Variants in KIF13B observed in about 807,000 individuals in gnomAD.
KIF13B encodes the protein kinesin-like protein KIF13B.
A neutral mutation model predicts 222.0 loss-of-function variants in KIF13B; 127 were observed. The ratio of observed to expected loss-of-function variants is 0.57; its 90% CI spans 0.50 to 0.66. The LOEUF is 0.66. Among genes scored for constraint, KIF13B ranks in the 30% least tolerant of loss-of-function variants. The probability of loss-of-function intolerance (pLI) is 0.00; values close to 1 mark genes in which losing one functional copy is unlikely to be tolerated. For synonymous variants in KIF13B, 976 were observed against 919.0 expected (o/e 1.06, Z -1.12); for missense variants, 2,173 against 2,379.0 (o/e 0.91, Z 1.80).
At chr8:29,231,021 C>T (rs944283532) in intron 2 of KIF13B, among the ~76,000 whole-genome samples, 7 of 152,142 alleles carry the variant, frequency 4.6e-5, no homozygotes, top group African/African-American at 1.7e-4. Flanking sequence ...GCTGGGACTA[C>T]AGGCATGCAC....
Position 29,167,600 on chromosome 8 carries a change from A to G in KIF13B, c.946-15T>C, listed in dbSNP as rs1445759443. 5.0e-6 allele frequency: 8 copies of G among 1,603,712 alleles called. No homozygotes were observed. Among genetic ancestry groups the G allele is most frequent in the Non-Finnish European group, 6.8e-6 (8 of 1,170,528 alleles). On this transcript the variant is annotated splice_polypyrimidine_tract_variant and intron_variant, in intron 10 of 39. Coordinates refer to ENST00000524189, the MANE Select transcript of KIF13B (RefSeq NM_015254.4). ...CCGAGGCTGTCCTACAGGAGAAAAC[A>G]GAAAGTTGAGTAGCATATTAAAGTT...
intron 18 of KIF13B, among the ~76,000 whole-genome samples, chr8:29,143,173 G>A (rs1413997656): frequency 6.6e-6 from 1 of 152,146 alleles, no homozygotes. Flanking sequence ...AGTTGGAAAT[G>A]ATTTTAAGTT....
intron 1 of KIF13B, among the ~76,000 whole-genome samples, chr8:29,250,349 C>A (rs1816229387): frequency 6.6e-6 from 1 of 152,172 alleles, no homozygotes; most frequent in African/African-American, 2.4e-5. Flanking sequence ...TCAGTATTCA[C>A]GTTTCTCTCA....
chr8:29,171,774 T>G (rs1441983494), intron 10 of KIF13B, among the ~76,000 whole-genome samples: 4 of 149,848 alleles, frequency 2.7e-5, no homozygotes, highest in Non-Finnish European at 5.9e-5. Flanking sequence ...TTTTTTTTTT[T>G]TGAGATGGAG....
chr8:29,116,747 A>G, intron 31 of KIF13B, 84 bp downstream of exon 31: 1 of 1,310,386 alleles, frequency 7.6e-7, no homozygotes, highest in Non-Finnish European at 1.1e-6. Context: ...GCCTGTTTGG[A>G]CAGAAGGTTA....
chr8:29,242,312 G>A (rs1815819255), intron 2 of KIF13B, among the ~76,000 whole-genome samples: 1 of 152,098 alleles, frequency 6.6e-6, no homozygotes, highest in South Asian at 2.1e-4. Context: ...TGCCTACCAT[G>A]GTGACAGGCA....
At chr8:29,204,637 A>T (rs1813848660) in intron 2 of KIF13B, among the ~76,000 whole-genome samples, 1 of 152,270 alleles carries the variant, frequency 6.6e-6, no homozygotes, top group Admixed American at 6.5e-5. Context: ...TTCATATCCC[A>T]CATTCACAGG....
At chr8:29,183,890 C>T (rs1450856722) in intron 6 of KIF13B, among the ~76,000 whole-genome samples, 1 of 152,074 alleles carries the variant, frequency 6.6e-6, no homozygotes, top group Non-Finnish European at 1.5e-5. Flanking sequence ...GAAGCTGAAC[C>T]ACATTCAATC....
chr8:29,193,147 G>A (rs769698535), intron 3 of KIF13B, among the ~76,000 whole-genome samples: 15 of 152,186 alleles, frequency 9.9e-5, no homozygotes, highest in East Asian at 3.8e-4. Context: ...AGAAGGAAGC[G>A]AGGCCAGGAA....
chr8:29,215,050 CT>C (rs1321718819), intron 2 of KIF13B, among the ~76,000 whole-genome samples: 2 of 152,182 alleles, frequency 1.3e-5, no homozygotes, highest in Non-Finnish European at 2.9e-5. Context: ...ACTGCATTTT[CT>C]CTCCAGGACC....
intron 10 of KIF13B, among the ~76,000 whole-genome samples, chr8:29,170,815 C>T (rs901702424): frequency 3.3e-5 from 5 of 152,200 alleles, no homozygotes; most frequent in Non-Finnish European, 7.3e-5. Context: ...CAGCGGCTCA[C>T]GCCTGTAATC....
chr8:29,182,109 C>T, intron 6 of KIF13B, 103 bp from the exon 7 acceptor site: 2 of 797,804 alleles, frequency 2.5e-6, no homozygotes, highest in South Asian at 3.9e-5. Context: ...AGAAAGACCC[C>T]AAATAAGTAA....
In KIF13B at chr8:29,071,784, T is replaced by G; in HGVS notation, c.5054A>C (p.Gln1685Pro). The change falls in exon 39 of 40, where the codon CAG (glutamine) becomes CCG (proline). Residue 1685 changes from glutamine (Q) to proline (P), a missense_variant. This residue lies in a region of KIF13B where 693 missense variants were observed against 656.2 expected (regional missense o/e 1.06). Transcript: ENST00000524189. This position sits in a 1 kb window ranked among gnomAD's most constrained non-coding sequence, Gnocchi z 4.9. ...GNAPAPGAGGQALASDSEEAD... is the reference protein window; with the variant it reads ...GNAPAPGAGGPALASDSEEAD... ...TTCCTCGGAATCAGAGGCCAGGGCCTGTCCCCCGGCGCCCGGGGCCGGCGC... is the reference window on the plus strand; with the variant it reads ...TTCCTCGGAATCAGAGGCCAGGGCCGGTCCCCCGGCGCCCGGGGCCGGCGC... 6.5e-7 allele frequency: 1 copy of G among 1,548,040 alleles called. No homozygotes were observed. The highest frequency in any genetic ancestry group is 8.7e-7 in the Non-Finnish European group (1 of 1,146,432).
intron 10 of KIF13B, among the ~76,000 whole-genome samples, chr8:29,175,090 A>T (rs796408385): frequency 2.2e-4 from 33 of 152,318 alleles, no homozygotes; most frequent in African/African-American, 7.7e-4. Context: ...TCACAAAATT[A>T]AACAGGGCAC....
chr8:29,179,452 C>T (rs531038519), intron 8 of KIF13B, among the ~76,000 whole-genome samples: 6 of 152,330 alleles, frequency 3.9e-5, no homozygotes, highest in African/African-American at 9.6e-5. Flanking sequence ...CGCAGTTAGC[C>T]GTCACAGTTT....
chr8:29,224,061 C>T (rs1814896999), intron 2 of KIF13B, among the ~76,000 whole-genome samples: 1 of 146,564 alleles, frequency 6.8e-6, no homozygotes, highest in African/African-American at 2.5e-5. Flanking sequence ...TGCAGTGGTG[C>T]CATCTTGGCT....
Position 29,072,208 on chromosome 8 carries a change from C to T in KIF13B, c.4630G>A (p.Val1544Ile). The part of the protein sequence containing the change: ...KVPSPPPVIA[V>I]TAVTPAPEAQ... Reference sequence around the variant, plus strand: ...TCCGGAGCCGGGGTGACCGCTGTGACAGCTATGACAGGCGGTGGGGAAGGC... The same window carrying T: ...TCCGGAGCCGGGGTGACCGCTGTGATAGCTATGACAGGCGGTGGGGAAGGC... The change falls in exon 39 of 40, where the codon GTC (valine) becomes ATC (isoleucine). Residue 1544 changes from valine (V) to isoleucine (I), a missense_variant. Val to Ile is a conservative substitution (Grantham distance 29). Around this residue, in one of 2 missense-constraint regions of KIF13B, gnomAD observed 693 missense variants for 656.2 expected, o/e 1.06. Transcript: ENST00000524189. 1 of 1,461,836 alleles carries T rather than the reference C, an allele frequency of 6.8e-7. No individual in the cohort carries two copies. The highest frequency in any genetic ancestry group is 2.7e-5 in the East Asian group (1 of 36,790). The allele number at this position is 1,461,836 out of a possible 1,614,324, so 90.6% of individuals were successfully genotyped here. A position where few individuals can be genotyped will look rare whatever the true frequency, so the allele number is the denominator to read the frequency against.
intron 13 of KIF13B, among the ~76,000 whole-genome samples, chr8:29,157,777 G>T (rs1241554125): frequency 1.3e-5 from 2 of 148,852 alleles, no homozygotes; most frequent in East Asian, 3.9e-4. Context: ...GCTGCAATAA[G>T]CCATAATCGT....
chr8:29,082,745 C>T (rs1807869393), intron 37 of KIF13B, among the ~76,000 whole-genome samples: 1 of 152,222 alleles, frequency 6.6e-6, no homozygotes, highest in Non-Finnish European at 1.5e-5. Flanking sequence ...AGAATGCTCA[C>T]TTCATCCAAA....
Sources: gnomAD v4.1 joint callset for allele counts (sites outside exome capture counted in the v4.1 genomes callset) on GRCh38, gnomAD v4.1.1 for gene constraint, gnomAD v4.1.1 regional missense constraint, Gnocchi (gnomAD v3.1) non-coding constraint, MANE v1.5 for transcripts, NCBI Gene and HGNC (gene_info 2026-07-23, HGNC 2026-07-21) for gene names.